Variants in PIK3C3 observed in about 807,000 individuals in gnomAD.
PIK3C3 encodes PI3-kinase type 3.
A neutral mutation model predicts 126.1 loss-of-function variants in PIK3C3; 95 were observed. The ratio of observed to expected loss-of-function variants is 0.75; its 90% CI spans 0.64 to 0.89. The LOEUF is 0.89. Among genes scored for constraint, PIK3C3 ranks in the 40% least tolerant of loss-of-function variants. The probability of loss-of-function intolerance (pLI) is 0.00; values close to 1 mark genes in which losing one functional copy is unlikely to be tolerated. For synonymous variants in PIK3C3, 374 were observed against 360.0 expected (o/e 1.04, Z -0.44); for missense variants, 829 against 1,063.2 (o/e 0.78, Z 3.06).
rs1261159746 is a variant in PIK3C3 at position 42,027,101 on chromosome 18, G to A, written c.1485-342G>A. On this transcript the variant is annotated intron_variant, in intron 13 of 24. Transcript: ENST00000262039. Reference sequence around the variant, plus strand: ...TATGAAAATAATAGTTTTTGTTCTCGAGTTACTCAGTAAATATGTGAGCTT... The same window carrying A: ...TATGAAAATAATAGTTTTTGTTCTCAAGTTACTCAGTAAATATGTGAGCTT... The A allele has an allele frequency of 3.8e-5, 6 of 157,922 alleles. No homozygotes were observed. In the East Asian group the frequency reaches 5.5e-4, roughly 14 times the overall value. The allele number at this position is 157,922 out of a possible 1,614,324, so 9.8% of individuals were successfully genotyped here. A position where few individuals can be genotyped will look rare whatever the true frequency, so the allele number is the denominator to read the frequency against.
At position 41,996,676 on chromosome 18, in the gene PIK3C3, T is replaced by G; in HGVS notation, c.930T>G (p.Tyr310Ter). 6.3e-7 allele frequency: 1 copy of G among 1,578,224 alleles called. No individual in the cohort carries two copies. Among genetic ancestry groups the G allele is most frequent in the Non-Finnish European group, 8.6e-7 (1 of 1,160,946 alleles). ...VSYPPTKQLT[Y>*]EEQDLVWKFR... The stretch of plus-strand genomic sequence containing the variant: ...ATCCACCAACCAAGCAACTTACATA[T>G]GAAGAACAAGATCTTGTTTGGAAGT... The change falls in exon 9 of 25, where the codon TAT becomes TAG. Residue 310 changes from tyrosine to a stop codon, truncating the protein, a stop_gained. Coordinates refer to ENST00000262039, the MANE Select transcript of PIK3C3 (RefSeq NM_002647.4). LOFTEE classifies it high-confidence loss of function.
chr18:42,034,732 T>C (rs1983972273), intron 16 of PIK3C3, among the ~76,000 whole-genome samples: 1 of 152,202 alleles, frequency 6.6e-6, no homozygotes, highest in South Asian at 2.1e-4. Flanking sequence ...AAGATCTTTG[T>C]GAGACATGGT....
At chr18:42,038,590 C>T (rs190961000) in intron 17 of PIK3C3, among the ~76,000 whole-genome samples, 191 bp from the exon 18 acceptor site, 3 of 152,084 alleles carry the variant, frequency 2.0e-5, no homozygotes, top group Admixed American at 6.6e-5. Context: ...GTGATCCACC[C>T]GCCTCGGCCT....
intron 13 of PIK3C3, among the ~76,000 whole-genome samples, chr18:42,020,987 A>G (rs1267537663): frequency 6.6e-6 from 1 of 152,134 alleles, no homozygotes; most frequent in African/African-American, 2.4e-5. Flanking sequence ...TGGCATGTAA[A>G]GTAGTTGAGT....
intron 10 of PIK3C3, among the ~76,000 whole-genome samples, chr18:42,008,042 G>A (rs1333719514): frequency 2.0e-5 from 3 of 152,030 alleles, no homozygotes; most frequent in Admixed American, 1.3e-4. Context: ...TTTGACACTC[G>A]TTCATATCAT....
chr18:42,015,820 A>G (rs1983048519), intron 12 of PIK3C3, among the ~76,000 whole-genome samples: 1 of 152,182 alleles, frequency 6.6e-6, no homozygotes, highest in Non-Finnish European at 1.5e-5. Flanking sequence ...ACTAGGCTTA[A>G]ATATTTTATT....
At chr18:42,004,966 A>G (rs1286322851) in intron 10 of PIK3C3, among the ~76,000 whole-genome samples, 1 of 152,180 alleles carries the variant, frequency 6.6e-6, no homozygotes, top group Non-Finnish European at 1.5e-5. Flanking sequence ...AAGCTTAGAG[A>G]TGCATGGTCA....
rs200352776 is a variant in PIK3C3 at position 42,076,192 on chromosome 18, G to GCA, written c.2650-4926_2650-4925dup. Among the ~76,000 whole-genome samples, 18 of 71,400 alleles carry GCA rather than the reference G, an allele frequency of 2.5e-4. 2 individuals carry two copies. The Admixed American group carries it at 2.7e-3, about 11-fold the overall frequency. The allele number at this position is 71,400 out of a possible 152,430, so 46.8% of individuals were successfully genotyped here. On this transcript the variant is annotated intron_variant, in intron 24 of 24. Transcript: ENST00000262039. ...TATATATATATGCACATATATATAT[G>GCA]CACACATATATATATGCACATATAT...
rs771605485 is a variant in PIK3C3 at position 42,013,534 on chromosome 18, TAGTCAG to T, written c.1267_1272del (p.Gln423_Ser424del). The T allele has an allele frequency of 6.9e-6, 11 of 1,602,734 alleles. No individual in the cohort carries two copies. The highest frequency in any genetic ancestry group is 3.4e-5 in the Admixed American group (2 of 58,882). ...ATGGATTGGAACCTACCAAGAAGGA[TAGTCAG>T]AGTTCAGTGTCAGAAAATGTGTCAA... On this transcript the variant is annotated inframe_deletion, in exon 11 of 25. Coordinates refer to ENST00000262039, the MANE Select transcript of PIK3C3 (RefSeq NM_002647.4).
rs1157860440 is a variant in PIK3C3, at chr18:41,995,944, C to T, written c.841C>T (p.Pro281Ser). The T allele has an allele frequency of 1.2e-6, 2 of 1,612,864 alleles. No individual in the cohort carries two copies. Among genetic ancestry groups the T allele is most frequent in the Admixed American group, 1.7e-5 (1 of 59,918 alleles). ...GCTTGCCCGGAGTTTAAGAAGTGGA[C>T]CTTCTGACCACGATCTGAAACCCAA... Reference protein sequence around the residue: ...HKLARSLRSGPSDHDLKPNAA... With the variant: ...HKLARSLRSGSSDHDLKPNAA... Residue 281 changes from proline to serine, a missense_variant, in exon 8 of 25, where the codon CCT becomes TCT. Physicochemically the swap from Pro to Ser is moderately conservative, Grantham distance 74. This residue lies in a region of PIK3C3 where 313 missense variants were observed against 340.7 expected (regional missense o/e 0.92). Coordinates refer to ENST00000262039, the MANE Select transcript of PIK3C3 (RefSeq NM_002647.4).
chr18:42,061,217 T>C (rs965689777), intron 22 of PIK3C3, among the ~76,000 whole-genome samples: 6 of 152,186 alleles, frequency 3.9e-5, no homozygotes, highest in Non-Finnish European at 7.4e-5. Context: ...TTGCAATCTT[T>C]GCTAGATTTT....
intron 22 of PIK3C3, among the ~76,000 whole-genome samples, chr18:42,061,629 A>G (rs1057201137): frequency 3.3e-5 from 5 of 152,300 alleles, no homozygotes; most frequent in Admixed American, 2.6e-4. Flanking sequence ...AGGACATTAA[A>G]TGACTGTCCT....
intron 16 of PIK3C3, among the ~76,000 whole-genome samples, chr18:42,034,662 C>T (rs564795569): frequency 1.3e-5 from 2 of 152,316 alleles, no homozygotes; most frequent in South Asian, 4.1e-4. Context: ...CAGCAGCCTT[C>T]TCTAATCATG....
At chr18:41,969,126 TG>T (rs1447013137) in intron 3 of PIK3C3, among the ~76,000 whole-genome samples, 1 of 149,132 alleles carries the variant, frequency 6.7e-6, no homozygotes, top group African/African-American at 2.5e-5. Context: ...GTCTGTACCT[TG>T]TTTTTTTTTT....
intron 21 of PIK3C3, chr18:42,050,686 A>G (rs1984763181): frequency 6.6e-6 from 1 of 152,148 alleles, no homozygotes; most frequent in Admixed American, 6.6e-5. Context: ...GAAGTTACCC[A>G]CTGTCTTCAT....
At chr18:42,008,664 A>C (rs1408188772) in intron 10 of PIK3C3, among the ~76,000 whole-genome samples, 3 of 152,038 alleles carry the variant, frequency 2.0e-5, no homozygotes, top group Non-Finnish European at 4.4e-5. Context: ...GAATTGCCTG[A>C]GATGGAAGCC....
chr18:42,008,017 A>T (rs1457907928), intron 10 of PIK3C3, among the ~76,000 whole-genome samples: 1 of 152,076 alleles, frequency 6.6e-6, no homozygotes, highest in Non-Finnish European at 1.5e-5. Context: ...GCTTCTATAT[A>T]TTATCAAACA....
At chr18:42,040,418 T>C (rs1416585866) in intron 18 of PIK3C3, among the ~76,000 whole-genome samples, 1 of 152,122 alleles carries the variant, frequency 6.6e-6, no homozygotes, top group Non-Finnish European at 1.5e-5. Context: ...CTATTAGTTT[T>C]CGTTTCTCAT....
At chr18:42,014,231 A>G (rs76698954) in intron 11 of PIK3C3, among the ~76,000 whole-genome samples, 2 of 151,270 alleles carry the variant, frequency 1.3e-5, no homozygotes, top group Non-Finnish European at 3.0e-5. Flanking sequence ...AAAAAAAAAA[A>G]GAAATGGATG....
Sources: gnomAD v4.1 joint callset for allele counts (sites outside exome capture counted in the v4.1 genomes callset) on GRCh38, gnomAD v4.1.1 for gene constraint, gnomAD v4.1.1 regional missense constraint, MANE v1.5 for transcripts, NCBI Gene and HGNC (gene_info 2026-07-23, HGNC 2026-07-21) for gene names.